SMAD1: variants seen among roughly 807,000 people sequenced by gnomAD.
SMAD1 encodes MAD, mothers against decapentaplegic homolog 1.
In SMAD1, 6 loss-of-function variants were observed where a neutral mutation model predicts 41.6. The observed-to-expected ratio is 0.14, with a 90% confidence interval of 0.08 to 0.28. The LOEUF is 0.28. SMAD1 is among the 10% of genes least tolerant of loss of function. SMAD1 has a pLI of 1.00. For synonymous variants in SMAD1, 206 were observed against 203.2 expected, an observed-to-expected ratio of 1.01 and a Z score of -0.12; for missense variants, 379 against 582.6, an observed-to-expected ratio of 0.65 and a Z score of 3.60.
intron 1 of SMAD1, among the ~76,000 whole-genome samples, chr4:145,499,697 TCC>T (rs1560728513): frequency 6.6e-6 from 1 of 152,138 alleles, no homozygotes; most frequent in East Asian, 1.9e-4. Flanking sequence ...TTGGGTCCCA[TCC>T]CCAAGATATC....
chr4:145,514,954 G>A lies in SMAD1; in HGVS notation c.341G>A (p.Gly114Asp). ...CTGGAATGCTGTGAGTTTCCTTTTG[G>A]TTCCAAGCAGAAGGAGGTCTGCATC... is the stretch of plus-strand genomic sequence containing the variant. ...KPLECCEFPFGSKQKEVCINP... is the reference protein window; with the variant it reads ...KPLECCEFPFDSKQKEVCINP... The change falls in exon 2 of 7, where the codon GGT becomes GAT. Residue 114 changes from glycine (G) to aspartate (D), a missense_variant. Physicochemically the swap from Gly to Asp is moderately conservative, Grantham distance 94. Coordinates refer to ENST00000302085, the MANE Select transcript of SMAD1 (RefSeq NM_005900.3). This position sits in a 1 kb window ranked among gnomAD's most constrained non-coding sequence, Gnocchi z 4.7. 2 of 1,613,984 alleles carry A rather than the reference G, an allele frequency of 1.2e-6. No homozygotes were observed. Among genetic ancestry groups the A allele is most frequent in the Non-Finnish European group, 1.7e-6 (2 of 1,179,982 alleles).
chr4:145,531,564 A>G lies in SMAD1; in HGVS notation c.401-8240A>G, dbSNP rs564398213. On this transcript the variant is annotated intron_variant, in intron 2 of 6. Transcript: ENST00000302085. ...GGACATTACAAAACTCCAGGTGTAC[A>G]TGAGCAGCATTCTCATCCATCAGAA... Among the ~76,000 whole-genome samples, 104 of 152,152 alleles carry G rather than the reference A, an allele frequency of 6.8e-4. 1 individual carries two copies. The highest frequency in any genetic ancestry group is 5.7e-4 in the Non-Finnish European group (39 of 68,040).
Position 145,482,349 on chromosome 4 carries a change from G to A in SMAD1, c.-177+311G>A, listed in dbSNP as rs1191428508. 6.6e-6 allele frequency: 1 copy of A among 151,998 alleles called. No homozygotes were observed. Among genetic ancestry groups the A allele is most frequent in the Admixed American group, 6.6e-5 (1 of 15,248 alleles). 9.4% of individuals were successfully genotyped at this position (151,998 alleles called of 1,614,324 possible). ...TGGGTCTTCTGCTGTGGGAAGCCCA[G>A]TTCCCGGGCCCCCGAGCCTCGGCTC... On this transcript the variant is annotated intron_variant, in intron 1 of 6. Coordinates refer to ENST00000302085, the MANE Select transcript of SMAD1 (RefSeq NM_005900.3). This position sits in a 1 kb window ranked among gnomAD's most constrained non-coding sequence, Gnocchi z 4.2.
At chr4:145,510,978 C>T (rs1458324874) in intron 1 of SMAD1, among the ~76,000 whole-genome samples, 2 of 151,966 alleles carry the variant, frequency 1.3e-5, no homozygotes, top group African/African-American at 2.4e-5. Flanking sequence ...CTGGTGATAC[C>T]TCTTACTTTT....
At chr4:145,550,598 T>A (rs1732502233) in intron 5 of SMAD1, among the ~76,000 whole-genome samples, 1 of 152,180 alleles carries the variant, frequency 6.6e-6, no homozygotes, top group Non-Finnish European at 1.5e-5. Context: ...ACCAGAAATA[T>A]ATGAGTGCCT....
chr4:145,512,471 T>A (rs1730137316), intron 1 of SMAD1, among the ~76,000 whole-genome samples: 1 of 152,230 alleles, frequency 6.6e-6, no homozygotes, highest in Non-Finnish European at 1.5e-5. Context: ...TTTTTACCAG[T>A]CTTCCTGCTC....
intron 2 of SMAD1, among the ~76,000 whole-genome samples, chr4:145,529,587 T>A (rs1731215263): frequency 6.6e-6 from 1 of 152,204 alleles, no homozygotes; most frequent in South Asian, 2.1e-4. Flanking sequence ...CCAAAAAAAC[T>A]GGGCCCTGTA....
At chr4:145,490,536 T>C (rs1728718102) in intron 1 of SMAD1, among the ~76,000 whole-genome samples, 1 of 152,204 alleles carries the variant, frequency 6.6e-6, no homozygotes, top group African/African-American at 2.4e-5. Flanking sequence ...TACTTTTTGG[T>C]ATCACTTTGT....
chr4:145,554,830 C>G (rs186423087), intron 6 of SMAD1, among the ~76,000 whole-genome samples: 1 of 152,124 alleles, frequency 6.6e-6, no homozygotes, highest in African/African-American at 2.4e-5. Flanking sequence ...TTCATTCTCT[C>G]GTACTTTGAG....
chr4:145,530,080 A>T (rs1190996924), intron 2 of SMAD1, among the ~76,000 whole-genome samples: 2 of 152,314 alleles, frequency 1.3e-5, no homozygotes, highest in Non-Finnish European at 2.9e-5. Flanking sequence ...TAGGTGCCAG[A>T]CACTGGCACC....
chr4:145,499,265 T>C (rs891725560), intron 1 of SMAD1, among the ~76,000 whole-genome samples: 1 of 152,236 alleles, frequency 6.6e-6, no homozygotes, highest in Non-Finnish European at 1.5e-5. Context: ...TGGAAAATTC[T>C]GCACCTAACT....
At chr4:145,508,388 T>C (rs748498150) in intron 1 of SMAD1, among the ~76,000 whole-genome samples, 26 of 152,156 alleles carry the variant, frequency 1.7e-4, no homozygotes, top group African/African-American at 5.5e-4. Flanking sequence ...CTGCCACTTA[T>C]AGCTGTCTAC....
chr4:145,480,781 A>G (rs1728138593), upstream of SMAD1, among the ~76,000 whole-genome samples: 1 of 152,196 alleles, frequency 6.6e-6, no homozygotes, highest in African/African-American at 2.4e-5. Flanking sequence ...AGGAGCAGAG[A>G]ATGATCAACT....
At chr4:145,502,510 C>A (rs1236191130) in intron 1 of SMAD1, among the ~76,000 whole-genome samples, 2 of 152,158 alleles carry the variant, frequency 1.3e-5, no homozygotes, top group African/African-American at 4.8e-5. Flanking sequence ...TATAGGGAAT[C>A]TCTGTGATTA....
intron 1 of SMAD1, among the ~76,000 whole-genome samples, chr4:145,492,144 A>G (rs1728802085): frequency 6.6e-6 from 1 of 152,172 alleles, no homozygotes; most frequent in Non-Finnish European, 1.5e-5. Flanking sequence ...ACAACAGTCA[A>G]CACAAAATAC....
chr4:145,551,150 G>A (rs1334817500), intron 5 of SMAD1, among the ~76,000 whole-genome samples: 1 of 152,136 alleles, frequency 6.6e-6, no homozygotes, highest in Non-Finnish European at 1.5e-5. Context: ...AAAACTACAA[G>A]TAAACCAGTG....
At chr4:145,539,758 A>G in intron 2 of SMAD1, 46 bp from the exon 3 acceptor site, 8 of 1,587,690 alleles carry the variant, frequency 5.0e-6, no homozygotes, top group Non-Finnish European at 6.9e-6. Context: ...ATTATAGATC[A>G]TAATTCTCAT....
chr4:145,494,054 C>G (rs956970557), intron 1 of SMAD1, among the ~76,000 whole-genome samples: 2 of 152,160 alleles, frequency 1.3e-5, no homozygotes, highest in Non-Finnish European at 2.9e-5. Context: ...CTCCGCCTCC[C>G]AGGCTCTAGT....
chr4:145,532,308 T>G (rs547917195), intron 2 of SMAD1, among the ~76,000 whole-genome samples: 17 of 152,342 alleles, frequency 1.1e-4, no homozygotes, highest in Non-Finnish European at 2.1e-4. Context: ...TGAAGATTTT[T>G]TTCTCCTGAG....
Sources: allele counts gnomAD v4.1 joint callset (sites outside exome capture counted in the v4.1 genomes callset), GRCh38; gene constraint gnomAD v4.1.1; non-coding constraint Gnocchi (gnomAD v3.1); transcripts MANE v1.5; gene names NCBI Gene and HGNC (gene_info 2026-07-23, HGNC 2026-07-21).